The following DGKB variants were observed in gnomAD, a reference collection of about 807,000 sequenced individuals.
The protein encoded by DGKB is diacylglycerol kinase beta.
Under a neutral mutation model 114.3 loss-of-function variants are expected in DGKB, and 67 were observed. The ratio of observed to expected loss-of-function variants is 0.59; its 90% CI spans 0.48 to 0.72. The LOEUF (loss-of-function observed/expected upper bound fraction) is 0.72, where lower values mean the gene tolerates loss of function less well. Among genes scored for constraint, DGKB ranks in the 30% least tolerant of loss-of-function variants. The pLI, the probability that DGKB is intolerant of heterozygous loss-of-function variation, is 0.00. For missense variants in DGKB, 907 were observed against 975.2 expected (o/e 0.93, Z 0.93); for synonymous variants, 398 against 323.1 (o/e 1.23, Z -2.49).
chr7:14,856,677 A>G (rs1296245225), intron 1 of DGKB, among the ~76,000 whole-genome samples: 1 of 152,068 alleles, frequency 6.6e-6, no homozygotes, highest in Non-Finnish European at 1.5e-5. Flanking sequence ...ATATATATAT[A>G]AAATTTATTC....
chr7:14,207,374 T>C (rs1367633910), intron 23 of DGKB, among the ~76,000 whole-genome samples: 1 of 152,002 alleles, frequency 6.6e-6, no homozygotes, highest in African/African-American at 2.4e-5. Context: ...AAGAGGGAGA[T>C]AACAGGCAGA....
At chr7:14,512,734 C>T (rs1275214038) in intron 20 of DGKB, among the ~76,000 whole-genome samples, 7 of 151,830 alleles carry the variant, frequency 4.6e-5, no homozygotes, top group Admixed American at 4.6e-4. Flanking sequence ...TAGAAGGCTC[C>T]CTGTCCCTTA....
rs2128699648 is a variant in DGKB, at chr7:14,569,971, T to A, written c.1770+4241A>T. Among the ~76,000 whole-genome samples the A allele has an allele frequency of 2.0e-5, 3 of 151,706 alleles. No homozygotes were observed. In the Middle Eastern group the frequency reaches 0.01, roughly 523 times the overall value. On this transcript the variant is annotated intron_variant, in intron 20 of 25. Transcript: ENST00000402815. ...TTTTGTTATTGTTTCTGGAAAGTCA[T>A]TGATTATTGCTAATATAAGCATATA...
At chr7:14,154,401 C>G (rs1357640424) in intron 25 of DGKB, among the ~76,000 whole-genome samples, 1 of 151,744 alleles carries the variant, frequency 6.6e-6, no homozygotes. Flanking sequence ...TTAATGGCTG[C>G]CTAGGCCCAC....
chr7:14,730,902 C>A (rs2128387240), intron 5 of DGKB, among the ~76,000 whole-genome samples: 1 of 152,186 alleles, frequency 6.6e-6, no homozygotes, highest in Non-Finnish European at 1.5e-5. Context: ...CAGTGAAGGC[C>A]TGAAATTTAG....
intron 20 of DGKB, among the ~76,000 whole-genome samples, chr7:14,564,054 T>G (rs1053823538): frequency 7.2e-5 from 11 of 152,136 alleles, no homozygotes; most frequent in African/African-American, 2.7e-4. Flanking sequence ...CTGGAGAAAT[T>G]TGTGTGATGA....
intron 1 of DGKB, among the ~76,000 whole-genome samples, chr7:14,871,187 T>C (rs899807367): frequency 6.6e-6 from 1 of 152,144 alleles, no homozygotes; most frequent in African/African-American, 2.4e-5. Context: ...ACATATACAC[T>C]GTGGAATGAT....
rs1321422155 is a variant in DGKB at position 14,197,374 on chromosome 7, A to T, written c.2123-19223T>A. Among the ~76,000 whole-genome samples, 52 of 152,126 alleles carry T rather than the reference A, an allele frequency of 3.4e-4. 1 individual carries two copies. ...AACAAAAGCAGTTCTATGAAAGAAG[A>T]CTAAACTTGAACAAACCGTAAAAAA... On this transcript the variant is annotated intron_variant, in intron 23 of 25. Transcript: ENST00000402815.
chr7:14,836,468 T>C (rs932633760), intron 2 of DGKB, among the ~76,000 whole-genome samples: 3 of 152,158 alleles, frequency 2.0e-5, no homozygotes, highest in African/African-American at 2.4e-5. Context: ...CATTTGGAAA[T>C]ATCACGTAGA....
intron 2 of DGKB, among the ~76,000 whole-genome samples, chr7:14,789,947 A>C (rs1204958994): frequency 6.6e-6 from 1 of 152,162 alleles, no homozygotes; most frequent in Non-Finnish European, 1.5e-5. Flanking sequence ...CACCCTTTCC[A>C]GTAGTTGATG....
chr7:14,584,665 AT>A (rs990462735), intron 17 of DGKB, among the ~76,000 whole-genome samples: 14 of 148,436 alleles, frequency 9.4e-5, no homozygotes, highest in African/African-American at 1.5e-4. Context: ...TTTTATTTTT[AT>A]TTTTTTTTTG....
chr7:14,484,063 T>A (rs1211827928), intron 20 of DGKB, among the ~76,000 whole-genome samples: 1 of 151,924 alleles, frequency 6.6e-6, no homozygotes, highest in Non-Finnish European at 1.5e-5. Context: ...AACATTATTC[T>A]ATAATATTTT....
At chr7:14,213,690 G>A (rs927759553) in intron 23 of DGKB, among the ~76,000 whole-genome samples, 1 of 152,090 alleles carries the variant, frequency 6.6e-6, no homozygotes, top group Non-Finnish European at 1.5e-5. Context: ...GTGCAAAAAT[G>A]CTGATTATTC....
At chr7:14,553,154 T>C (rs1413364192) in intron 20 of DGKB, among the ~76,000 whole-genome samples, 3 of 152,230 alleles carry the variant, frequency 2.0e-5, no homozygotes, top group Non-Finnish European at 4.4e-5. Context: ...AATCTAATAA[T>C]GTATTGCAAG....
chr7:14,181,714 C>T (rs1231872909), intron 23 of DGKB, among the ~76,000 whole-genome samples: 2 of 152,138 alleles, frequency 1.3e-5, no homozygotes, highest in African/African-American at 4.8e-5. Flanking sequence ...ATCCTGACAC[C>T]ATGATACTGA....
rs1384556247 is a variant in DGKB at position 14,147,242 on chromosome 7, C to G, written c.*1889G>C. The G allele has an allele frequency of 6.6e-6, 1 of 151,994 alleles. No individual in the cohort carries two copies. Among genetic ancestry groups the G allele is most frequent in the Admixed American group, 6.6e-5 (1 of 15,256 alleles). The allele number at this position is 151,994 out of a possible 1,614,324, so 9.4% of individuals were successfully genotyped here. On this transcript the variant is annotated 3_prime_UTR_variant, in exon 26 of 26. Transcript: ENST00000402815. The stretch of plus-strand genomic sequence containing the variant: ...TGCCAAACAACTTTTTTATTTTATA[C>G]CAGCGCAAGTGATTGCTGTACTAAA...
intron 2 of DGKB, among the ~76,000 whole-genome samples, chr7:14,804,285 C>A (rs1414014532): frequency 6.6e-6 from 1 of 151,808 alleles, no homozygotes; most frequent in Non-Finnish European, 1.5e-5. Flanking sequence ...TATCTTCTAT[C>A]TTTAAAAAAC....
intron 23 of DGKB, among the ~76,000 whole-genome samples, chr7:14,331,964 G>A (rs1483300664): frequency 6.6e-6 from 1 of 152,150 alleles, no homozygotes; most frequent in African/African-American, 2.4e-5. Context: ...GATATGTTTG[G>A]TGCAAAGTAT....
chr7:14,640,944 A>T (rs1382677128), intron 13 of DGKB, among the ~76,000 whole-genome samples: 2 of 152,142 alleles, frequency 1.3e-5, no homozygotes, highest in African/African-American at 4.8e-5. Flanking sequence ...GATAAAAATG[A>T]TATAAAGCAT....
Sources: gnomAD v4.1 joint callset for allele counts (sites outside exome capture counted in the v4.1 genomes callset) on GRCh38, gnomAD v4.1.1 for gene constraint, MANE v1.5 for transcripts, NCBI Gene and HGNC (gene_info 2026-07-23, HGNC 2026-07-21) for gene names.